Variants in RASSF5 observed in about 807,000 individuals in gnomAD.
RASSF5 encodes Ras association domain family member 5.
In RASSF5, 25 loss-of-function variants were observed where a neutral mutation model predicts 40.5. The observed-to-expected ratio is 0.62, with a 90% CI of 0.45 to 0.86. The LOEUF (loss-of-function observed/expected upper bound fraction) is 0.86, where lower values mean the gene tolerates loss of function less well. Ranked by LOEUF, RASSF5 falls within the 40% of genes least tolerant of loss-of-function variation. The pLI is 0.00. For synonymous variants in RASSF5, 246 were observed against 252.4 expected, an observed-to-expected ratio of 0.97 and a Z score of 0.24; for missense variants, 521 against 572.8, an observed-to-expected ratio of 0.91 and a Z score of 0.92.
At chr1:206,539,601 A>T (rs1356884190) in intron 2 of RASSF5, among the ~76,000 whole-genome samples, 1 of 152,170 alleles carries the variant, frequency 6.6e-6, no homozygotes, top group African/African-American at 2.4e-5. Flanking sequence ...ATATTTTAAA[A>T]CTCTGCACAT....
intron 2 of RASSF5, among the ~76,000 whole-genome samples, chr1:206,550,424 T>G (rs960129957): frequency 6.6e-6 from 1 of 152,262 alleles, no homozygotes; most frequent in Non-Finnish European, 1.5e-5. Flanking sequence ...TTCCTCATAA[T>G]GCACTGGGCC....
intron 2 of RASSF5, among the ~76,000 whole-genome samples, chr1:206,564,531 C>T (rs1668231504): frequency 6.6e-6 from 1 of 152,200 alleles, no homozygotes; most frequent in Admixed American, 6.5e-5. Context: ...AATCCCAGGT[C>T]TTATTGCACA....
intron 2 of RASSF5, among the ~76,000 whole-genome samples, chr1:206,581,914 A>G (rs9429988): frequency 0.81 from 123,642 of 152,044 alleles, 50,487 homozygotes; most frequent in East Asian, 1. Context: ...CGGGGTGGTG[A>G]TGTGACGTCG....
chr1:206,515,953 A>G (rs1344560057), intron 1 of RASSF5, among the ~76,000 whole-genome samples: 35 of 152,268 alleles, frequency 2.3e-4, no homozygotes, highest in Admixed American at 2.2e-3. Context: ...CAGCTGTAAC[A>G]TGAGAGTTTT....
chr1:206,585,436 G>A, intron 5 of RASSF5, 141 bp downstream of exon 5: 1 of 669,374 alleles, frequency 1.5e-6, no homozygotes, highest in Non-Finnish European at 2.7e-6. Flanking sequence ...GAGCAGGGGT[G>A]GGTGATGGGC....
intron 2 of RASSF5, chr1:206,557,317 C>G (rs1297239128): frequency 1.4e-5 from 17 of 1,256,784 alleles, no homozygotes; most frequent in Non-Finnish European, 1.6e-5. Flanking sequence ...GCCGGGCGCC[C>G]GGGGCTCTGC....
At chr1:206,551,718 G>T (rs1172378412) in intron 2 of RASSF5, among the ~76,000 whole-genome samples, 1 of 152,184 alleles carries the variant, frequency 6.6e-6, no homozygotes, top group Non-Finnish European at 1.5e-5. Flanking sequence ...CATTTCTCTG[G>T]GCTCTTCACA....
rs1669149310 is a variant in RASSF5, at chr1:206,587,088, C to T, written c.*110C>T. ...ACATCTCTGGCAGGTGCATTTGTGC[C>T]TGCCCAGCAGTTCCAGCTGTGGCAA... is the stretch of plus-strand genomic sequence containing the variant. On this transcript the variant is annotated 3_prime_UTR_variant, in exon 6 of 6. Coordinates refer to ENST00000579436, the MANE Select transcript of RASSF5 (RefSeq NM_182663.4). 2.0e-5 allele frequency: 27 copies of T among 1,374,262 alleles called. No homozygotes were observed. The highest frequency in any genetic ancestry group is 2.7e-5 in the Non-Finnish European group (27 of 992,432). 85.1% of individuals were successfully genotyped at this position (1,374,262 alleles called of 1,614,324 possible).
intron 2 of RASSF5, among the ~76,000 whole-genome samples, chr1:206,551,423 T>A (rs1667837495): frequency 6.6e-6 from 1 of 152,176 alleles, no homozygotes; most frequent in Non-Finnish European, 1.5e-5. Flanking sequence ...GGCCGTCCCA[T>A]CTGGGACAGC....
intron 2 of RASSF5, among the ~76,000 whole-genome samples, chr1:206,550,026 T>A (rs1667793398): frequency 6.6e-6 from 1 of 152,206 alleles, no homozygotes; most frequent in Non-Finnish European, 1.5e-5. Context: ...GAACTCGGGC[T>A]GCCTTTGTCT....
chr1:206,574,338 C>T (rs1553404761), intron 2 of RASSF5, among the ~76,000 whole-genome samples: 1 of 152,206 alleles, frequency 6.6e-6, no homozygotes, highest in Non-Finnish European at 1.5e-5. Flanking sequence ...TCTCAGGTCA[C>T]CTGCAGACTC....
chr1:206,561,200 C>T (rs1183515427), intron 2 of RASSF5, among the ~76,000 whole-genome samples: 1 of 152,274 alleles, frequency 6.6e-6, no homozygotes, highest in Admixed American at 6.5e-5. Context: ...GAAACTGAGG[C>T]CCAGAGAGGT....
rs1414337712 is a variant in RASSF5 at position 206,584,522 on chromosome 1, A to C, written c.826A>C (p.Lys276Gln). ...GGTGAACCTGGCGGCTACCACGGAC[A>C]AGCGGACATCCTTCTACCTGCCCCT... ...KEVNLAATTD[K>Q]RTSFYLPLDA... Residue 276 changes from lysine to glutamine, a missense_variant, in exon 4 of 6, where the codon AAG becomes CAG. Transcript: ENST00000579436. This position sits in a 1 kb window ranked among gnomAD's most constrained non-coding sequence, Gnocchi z 4.9. 1.1e-5 allele frequency: 18 copies of C among 1,614,130 alleles called. No individual in the cohort carries two copies. The highest frequency in any genetic ancestry group is 1.4e-5 in the Non-Finnish European group (17 of 1,180,008).
At chr1:206,583,237 C>A in intron 2 of RASSF5, 32 bp from the exon 3 acceptor site, 1 of 1,424,196 alleles carries the variant, frequency 7.0e-7, no homozygotes, top group Non-Finnish European at 9.9e-7. Flanking sequence ...AGAACTACTA[C>A]ACATCCACCT....
intron 1 of RASSF5, among the ~76,000 whole-genome samples, chr1:206,516,425 G>A (rs1359966109): frequency 6.6e-6 from 1 of 151,980 alleles, no homozygotes; most frequent in Non-Finnish European, 1.5e-5. Flanking sequence ...CAGCCCAAAC[G>A]GTGCATTCGG....
At chr1:206,569,893 G>A (rs1460178048) in intron 2 of RASSF5, among the ~76,000 whole-genome samples, 1 of 152,124 alleles carries the variant, frequency 6.6e-6, no homozygotes, top group Non-Finnish European at 1.5e-5. Context: ...TGGTCTTGGA[G>A]GGCTTGGCGT....
intron 2 of RASSF5, among the ~76,000 whole-genome samples, chr1:206,582,417 G>A (rs1553406555): frequency 2.0e-5 from 3 of 152,148 alleles, no homozygotes; most frequent in South Asian, 4.1e-4. Context: ...CTGACTGTAG[G>A]GTGTGAGGCA....
At chr1:206,586,297 T>C (rs1332068695) in intron 5 of RASSF5, 3 of 154,192 alleles carry the variant, frequency 1.9e-5, no homozygotes, top group Admixed American at 1.9e-4. Flanking sequence ...CCAAGTCCTT[T>C]AGGGGTAGGC....
chr1:206,522,276 C>G (rs906285303), intron 1 of RASSF5, among the ~76,000 whole-genome samples: 2 of 152,112 alleles, frequency 1.3e-5, no homozygotes, highest in Admixed American at 6.5e-5. Flanking sequence ...TGGTTAGGAG[C>G]TGGGTAGATG....
Sources: allele counts gnomAD v4.1 joint callset (sites outside exome capture counted in the v4.1 genomes callset), GRCh38; gene constraint gnomAD v4.1.1; non-coding constraint Gnocchi (gnomAD v3.1); transcripts MANE v1.5; gene names NCBI Gene and HGNC (gene_info 2026-07-23, HGNC 2026-07-21).